GPHN: variants seen among roughly 807,000 people sequenced by gnomAD.
The protein encoded by GPHN is gephyrin.
A neutral mutation model predicts 95.5 loss-of-function variants in GPHN; 17 were observed. The observed-to-expected ratio is 0.18, with a 90% confidence interval of 0.12 to 0.27. The LOEUF (loss-of-function observed/expected upper bound fraction) is 0.27. GPHN is among the 10% of genes least tolerant of loss of function. The pLI, the probability that GPHN is intolerant of heterozygous loss-of-function variation, is 1.00. For missense variants in GPHN, 660 were observed against 978.1 expected (o/e 0.67, Z 4.34); for synonymous variants, 320 against 322.5 (o/e 0.99, Z 0.08).
At chr14:66,678,752 T>A (rs1487740290) in intron 1 of GPHN, among the ~76,000 whole-genome samples, 1 of 152,182 alleles carries the variant, frequency 6.6e-6, no homozygotes, top group Non-Finnish European at 1.5e-5. Flanking sequence ...TGTAGACATA[T>A]CTATAGTGTC....
chr14:66,763,413 C>T (rs868656052), intron 2 of GPHN, among the ~76,000 whole-genome samples: 12 of 132,952 alleles, frequency 9.0e-5, no homozygotes, highest in Middle Eastern at 3.9e-3. Flanking sequence ...ACCACAGTCC[C>T]CAGAGTGTGA....
chr14:66,827,012 G>A (rs894389238), intron 4 of GPHN, among the ~76,000 whole-genome samples: 1 of 152,086 alleles, frequency 6.6e-6, no homozygotes, highest in Admixed American at 6.6e-5. Flanking sequence ...GGCCTGGCAT[G>A]GTGGCTCACA....
intron 11 of GPHN, among the ~76,000 whole-genome samples, chr14:67,064,109 C>G (rs1307263503): frequency 6.6e-6 from 1 of 152,018 alleles, no homozygotes; most frequent in Non-Finnish European, 1.5e-5. Context: ...TGCATTCCAT[C>G]AATACCTAGT....
chr14:66,642,858 C>G (rs2064503991), intron 1 of GPHN, among the ~76,000 whole-genome samples: 1 of 151,534 alleles, frequency 6.6e-6, no homozygotes, highest in South Asian at 2.1e-4. Context: ...ATCATAGATC[C>G]AACTATGAAA....
At chr14:67,713,369 C>T in the GPHN span, among the ~76,000 whole-genome samples, 1 of 122,436 alleles carries the variant, frequency 8.2e-6, no homozygotes, top group South Asian at 2.6e-4. Flanking sequence ...GAAAAACTTG[C>T]CTTTCTTGTT....
At chr14:67,163,893 C>T (rs1363198275) in intron 19 of GPHN, among the ~76,000 whole-genome samples, 1 of 151,930 alleles carries the variant, frequency 6.6e-6, no homozygotes, top group Admixed American at 6.6e-5. Context: ...CTCTATGCCA[C>T]TCACTCCTTC....
At chr14:67,057,508 G>T (rs1280435573) in intron 10 of GPHN, among the ~76,000 whole-genome samples, 2 of 151,902 alleles carry the variant, frequency 1.3e-5, no homozygotes, top group African/African-American at 4.8e-5. Flanking sequence ...GTAATGGATT[G>T]ATCCGTGCAG....
At chr14:67,417,176 C>T in the GPHN span, among the ~76,000 whole-genome samples, 1 of 152,170 alleles carries the variant, frequency 6.6e-6, no homozygotes, top group East Asian at 1.9e-4. Flanking sequence ...GGGTTCAAAC[C>T]CTTCCTATGC....
chr14:67,674,601 C>A, the GPHN span: 17 of 827,514 alleles, frequency 2.1e-5, no homozygotes, highest in Non-Finnish European at 2.4e-5. Flanking sequence ...GCCGCACCAC[C>A]GCCGCCCAGG....
chr14:66,944,725 C>T (rs971662330), intron 8 of GPHN, among the ~76,000 whole-genome samples: 4 of 152,230 alleles, frequency 2.6e-5, no homozygotes, highest in African/African-American at 4.8e-5. Context: ...GGAAGAACTT[C>T]GTATTCTTAT....
chr14:66,670,762 A>G (rs1305916965), intron 1 of GPHN, among the ~76,000 whole-genome samples: 1 of 152,244 alleles, frequency 6.6e-6, no homozygotes, highest in Non-Finnish European at 1.5e-5. Context: ...ACTGCGTTCT[A>G]GCCTGGGCGA....
At chr14:66,911,937 G>C (rs1269795618) in intron 5 of GPHN, among the ~76,000 whole-genome samples, 1 of 151,948 alleles carries the variant, frequency 6.6e-6, no homozygotes, top group Non-Finnish European at 1.5e-5. Flanking sequence ...TAATTCACCT[G>C]TTACATTTTT....
At chr14:66,632,970 C>T (rs2063901647) in intron 1 of GPHN, among the ~76,000 whole-genome samples, 1 of 152,196 alleles carries the variant, frequency 6.6e-6, no homozygotes, top group Admixed American at 6.5e-5. Flanking sequence ...AAGACTATTA[C>T]CATTCTTCTT....
Position 66,985,608 on chromosome 14 carries a change from A to C in GPHN, c.963+20283A>C, listed in dbSNP as rs996364209. 5.6e-6 allele frequency: 5 copies of C among 897,024 alleles called. No individual in the cohort carries two copies. The African/African-American group carries it at 8.3e-5, about 15-fold the overall frequency. The allele number at this position is 897,024 out of a possible 1,614,324, so 55.6% of individuals were successfully genotyped here. A position where few individuals can be genotyped will look rare whatever the true frequency, so the allele number is the denominator to read the frequency against. Reference sequence around the variant, plus strand: ...ATTGATGTTTTTGCATGTATTACTTACTAATGTATAGAAAAATTTTTAAGT... The same window carrying C: ...ATTGATGTTTTTGCATGTATTACTTCCTAATGTATAGAAAAATTTTTAAGT... On this transcript the variant is annotated intron_variant, in intron 9 of 22. Coordinates refer to ENST00000478722, the MANE Select transcript of GPHN (RefSeq NM_020806.5).
At chr14:66,553,853 G>A (rs1030758590) in intron 1 of GPHN, among the ~76,000 whole-genome samples, 1 of 152,112 alleles carries the variant, frequency 6.6e-6, no homozygotes, top group African/African-American at 2.4e-5. Flanking sequence ...GGGATTACAG[G>A]CATGAGCCAC....
the GPHN span, chr14:67,316,958 C>A: frequency 7.1e-7 from 1 of 1,404,864 alleles, no homozygotes; most frequent in Non-Finnish European, 9.9e-7. Context: ...TCATCTGGAG[C>A]CATGTGTGAA....
chr14:66,662,270 C>T (rs1167552388), intron 1 of GPHN, among the ~76,000 whole-genome samples: 3 of 152,006 alleles, frequency 2.0e-5, no homozygotes, highest in African/African-American at 4.8e-5. Flanking sequence ...TTGTTTGGGC[C>T]AGCAACCAGG....
intron 17 of GPHN, among the ~76,000 whole-genome samples, chr14:67,134,119 T>C (rs72715387): frequency 0.051 from 7,764 of 152,320 alleles, 213 homozygotes; most frequent in Middle Eastern, 0.068. Flanking sequence ...CTTATTCTGA[T>C]GTTAGCTAGT....
At chr14:66,974,324 A>C (rs1350810244) in intron 9 of GPHN, among the ~76,000 whole-genome samples, 2 of 151,960 alleles carry the variant, frequency 1.3e-5, no homozygotes, top group Non-Finnish European at 2.9e-5. Context: ...GGTATGTAGG[A>C]TTTTACCTCG....
Sources: gnomAD v4.1 joint callset for allele counts (sites outside exome capture counted in the v4.1 genomes callset) on GRCh38, gnomAD v4.1.1 for gene constraint, MANE v1.5 for transcripts, NCBI Gene and HGNC (gene_info 2026-07-23, HGNC 2026-07-21) for gene names.